Variants in ERICH3 observed in about 807,000 individuals in gnomAD.
ERICH3 encodes glutamate-rich protein 3.
Under a neutral mutation model 131.1 loss-of-function variants are expected in ERICH3, and 126 were observed. The observed-to-expected ratio is 0.96, with a 90% CI of 0.83 to 1.11. The LOEUF is 1.11. Ranked by LOEUF, ERICH3 falls within the 50% of genes most tolerant of loss-of-function variation. ERICH3 has a pLI of 0.00. For missense variants in ERICH3, 2,050 were observed against 1,810.7 expected (o/e 1.13, Z -2.40); for synonymous variants, 695 against 644.6 (o/e 1.08, Z -1.18).
chr1:74,600,839 T>C (rs1369810721), intron 10 of ERICH3, among the ~76,000 whole-genome samples: 2 of 151,722 alleles, frequency 1.3e-5, no homozygotes, highest in Non-Finnish European at 2.9e-5. Flanking sequence ...AAAGTAAAAA[T>C]TACCGAGAGA....
At chr1:74,576,965 A>C in intron 12 of ERICH3, 29 bp from the exon 13 acceptor site, 1 of 1,569,514 alleles carries the variant, frequency 6.4e-7, no homozygotes, top group South Asian at 1.2e-5. Context: ...AAGAAAAAAA[A>C]GGTCAAATGA....
At chr1:74,647,014 A>C (rs148364452) in intron 2 of ERICH3, among the ~76,000 whole-genome samples, 15 of 151,874 alleles carry the variant, frequency 9.9e-5, no homozygotes, top group African/African-American at 3.4e-4. Flanking sequence ...AGAAAGCATC[A>C]GTAGCTTTTA....
Position 74,571,859 on chromosome 1 carries a change from T to G in ERICH3, c.3851A>C (p.Lys1284Thr). The G allele has an allele frequency of 6.2e-7, 1 of 1,612,068 alleles. No individual in the cohort carries two copies. Among genetic ancestry groups the G allele is most frequent in the Non-Finnish European group, 8.5e-7 (1 of 1,180,032 alleles). The change falls in exon 14 of 15, where the codon AAG becomes ACG. Residue 1284 changes from lysine (K) to threonine (T), a missense_variant. By Grantham distance (78) the Lys-to-Thr change is moderately conservative. Transcript: ENST00000326665. ...VAEEDPIMAE[K>T]FREEAVDEDP... ...CTCATCCACCGCTTCCTCCCTGAAC[T>G]TTTCTGCCATTATGGGATCTTCCTC...
chr1:74,576,824 G>A (rs1647064361), intron 13 of ERICH3, 71 bp downstream of exon 13: 2 of 1,370,886 alleles, frequency 1.5e-6, no homozygotes. Flanking sequence ...AACATGGGAA[G>A]TTTGACCAGA....
At chr1:74,604,957 T>C (rs1240641480) in intron 10 of ERICH3, among the ~76,000 whole-genome samples, 1 of 151,958 alleles carries the variant, frequency 6.6e-6, no homozygotes, top group East Asian at 1.9e-4. Context: ...TGACTTCTCC[T>C]TTCTAGCTAT....
intron 5 of ERICH3, among the ~76,000 whole-genome samples, chr1:74,637,167 G>C (rs1646396938): frequency 6.6e-6 from 1 of 152,146 alleles, no homozygotes; most frequent in South Asian, 2.1e-4. Context: ...CAGGACTGCA[G>C]CTGGAGTCCA....
At chr1:74,602,186 A>G (rs1557678537) in intron 10 of ERICH3, among the ~76,000 whole-genome samples, 1 of 151,946 alleles carries the variant, frequency 6.6e-6, no homozygotes, top group Non-Finnish European at 1.5e-5. Context: ...GTGAACCACA[A>G]GAACAGTCCC....
At chr1:74,586,088 G>T (rs1260730623) in intron 12 of ERICH3, among the ~76,000 whole-genome samples, 1 of 151,802 alleles carries the variant, frequency 6.6e-6, no homozygotes, top group Non-Finnish European at 1.5e-5. Context: ...TTGTTCTTTT[G>T]TGGAAGATGA....
At position 74,599,837 on chromosome 1, in the gene ERICH3, C is replaced by A. The variant is rs774515419; in HGVS notation, c.1584G>T (p.Gln528His). Residue 528 changes from glutamine (Q) to histidine (H), a missense_variant, in exon 11 of 15, where the codon CAG becomes CAT. Gln to His is a conservative substitution (Grantham distance 24). Coordinates refer to ENST00000326665, the MANE Select transcript of ERICH3 (RefSeq NM_001002912.5). ...TATCTTTTTTATCATCCAAAGGTGA[C>A]TGCGGTATTCCATTCATTTGAACAT... is the stretch of plus-strand genomic sequence containing the variant. Reference protein sequence around the residue: ...QADVQMNGIPQSPLDDKKDNL... With the variant: ...QADVQMNGIPHSPLDDKKDNL... The A allele has an allele frequency of 3.1e-6, 5 of 1,612,318 alleles. No individual in the cohort carries two copies. The highest frequency in any genetic ancestry group is 4.2e-6 in the Non-Finnish European group (5 of 1,178,962).
In ERICH3 at chr1:74,636,431, G is replaced by C. The variant is rs1646390190; in HGVS notation, c.452C>G (p.Pro151Arg). The change falls in exon 6 of 15, where the codon CCT becomes CGT. Residue 151 changes from proline to arginine, a missense_variant. Transcript: ENST00000326665. ...ATTTCCTGGAGCAGTATATGGTCGAGGGGCTGTCTAGACAATTAGGGGAAA... is the reference window on the plus strand; with the variant it reads ...ATTTCCTGGAGCAGTATATGGTCGACGGGCTGTCTAGACAATTAGGGGAAA... ...GHSSPLALTAPRPYTAPGNMQ... is the reference protein window; with the variant it reads ...GHSSPLALTARRPYTAPGNMQ... 1.2e-6 allele frequency: 2 copies of C among 1,602,900 alleles called. No homozygotes were observed. Among genetic ancestry groups the C allele is most frequent in the Non-Finnish European group, 1.7e-6 (2 of 1,174,530 alleles).
intron 12 of ERICH3, among the ~76,000 whole-genome samples, chr1:74,585,316 A>G (rs1482434781): frequency 6.6e-6 from 1 of 152,200 alleles, no homozygotes; most frequent in Non-Finnish European, 1.5e-5. Context: ...AGCAATTATA[A>G]TCTTTTACTT....
chr1:74,670,569 TCTTTA>T (rs537266959), intron 1 of ERICH3, among the ~76,000 whole-genome samples: 61 of 152,326 alleles, frequency 4.0e-4, no homozygotes, highest in Non-Finnish European at 7.4e-4. Context: ...CTTATGCCTG[TCTTTA>T]CTTTAATCTC....
chr1:74,636,256 T>C, intron 6 of ERICH3, 24 bp downstream of exon 6: 1 of 1,550,350 alleles, frequency 6.5e-7, no homozygotes, highest in Non-Finnish European at 8.7e-7. Context: ...TTAAAATATA[T>C]TTATTGATAA....
At chr1:74,657,055 CAT>C (rs1646591636) in intron 1 of ERICH3, among the ~76,000 whole-genome samples, 1 of 152,172 alleles carries the variant, frequency 6.6e-6, no homozygotes, top group Non-Finnish European at 1.5e-5. Flanking sequence ...AATTCCTTGA[CAT>C]ATATCCTTTT....
In ERICH3 at chr1:74,569,801, A is replaced by C. The variant is rs1466950502; in HGVS notation, c.*657T>G. On this transcript the variant is annotated 3_prime_UTR_variant, in exon 15 of 15. Coordinates refer to ENST00000326665, the MANE Select transcript of ERICH3 (RefSeq NM_001002912.5). ...ACTACAGAAACACACACAAAAAAAC[A>C]AAGAGCATTTTGAAATAAGATTTCC... 1.3e-5 allele frequency: 2 copies of C among 152,344 alleles called. No homozygotes were observed. Among genetic ancestry groups the C allele is most frequent in the Middle Eastern group, 3.4e-3 (1 of 294 alleles). 9.4% of individuals were successfully genotyped at this position (152,344 alleles called of 1,614,324 possible).
chr1:74,650,059 G>A (rs559511735), intron 1 of ERICH3, among the ~76,000 whole-genome samples: 14 of 152,136 alleles, frequency 9.2e-5, no homozygotes, highest in South Asian at 2.1e-4. Context: ...GTCATGTATC[G>A]AAATAATAAT....
chr1:74,606,011 T>A, intron 10 of ERICH3, among the ~76,000 whole-genome samples: 1 of 110,604 alleles, frequency 9.0e-6, no homozygotes. Context: ...CGTGTGTCTG[T>A]GTGTGTGTGT....
At chr1:74,574,141 C>A (rs1647010571) in intron 13 of ERICH3, among the ~76,000 whole-genome samples, 1 of 151,796 alleles carries the variant, frequency 6.6e-6, no homozygotes, top group South Asian at 2.1e-4. Context: ...TAGATGCATG[C>A]CACTATGCCA....
At chr1:74,608,143 G>C (rs1298666619) in intron 9 of ERICH3, among the ~76,000 whole-genome samples, 1 of 151,882 alleles carries the variant, frequency 6.6e-6, no homozygotes, top group Non-Finnish European at 1.5e-5. Context: ...CCAGTTCCTA[G>C]TTATGATTTA....
Sources: allele counts gnomAD v4.1 joint callset (sites outside exome capture counted in the v4.1 genomes callset), GRCh38; gene constraint gnomAD v4.1.1; transcripts MANE v1.5; gene names NCBI Gene and HGNC (gene_info 2026-07-23, HGNC 2026-07-21).